FGF12: variants seen among roughly 807,000 people sequenced by gnomAD.
The protein encoded by FGF12 is fibroblast growth factor 12B.
FGF12 carries 14 observed loss-of-function variants against 23.6 expected under a neutral mutation model. The observed-to-expected ratio is 0.59, with a 90% confidence interval of 0.39 to 0.93. The LOEUF is 0.93. FGF12 is among the 40% of genes least tolerant of loss of function. The probability of loss-of-function intolerance (pLI) is 0.00; values close to 1 mark genes in which losing one functional copy is unlikely to be tolerated. For synonymous variants in FGF12, 62 were observed against 77.3 expected, an observed-to-expected ratio of 0.80 and a Z score of 1.04; for missense variants, 175 against 217.8, an observed-to-expected ratio of 0.80 and a Z score of 1.24.
At chr3:192,623,083 G>GT (rs1406928293) in intron 2 of FGF12, among the ~76,000 whole-genome samples, 1 of 152,140 alleles carries the variant, frequency 6.6e-6, no homozygotes, top group Non-Finnish European at 1.5e-5. Context: ...CATCAACCAT[G>GT]TAACAGCTAT....
At chr3:192,590,041 C>T (rs1018343338) in intron 2 of FGF12, among the ~76,000 whole-genome samples, 7 of 151,496 alleles carry the variant, frequency 4.6e-5, no homozygotes, top group African/African-American at 1.7e-4. Context: ...TTTTTAATTG[C>T]TCAAGGGCCA....
At chr3:192,709,569 C>T (rs918607833) in intron 2 of FGF12, among the ~76,000 whole-genome samples, 1 of 152,118 alleles carries the variant, frequency 6.6e-6, no homozygotes, top group South Asian at 2.1e-4. Context: ...CTTGACTTCA[C>T]CAGGATTGAG....
At chr3:192,472,750 G>A (rs1723209348) in intron 2 of FGF12, among the ~76,000 whole-genome samples, 1 of 152,118 alleles carries the variant, frequency 6.6e-6, no homozygotes, top group Non-Finnish European at 1.5e-5. Flanking sequence ...GGGCTCCTCA[G>A]CCCTGTCTCC....
intron 2 of FGF12, among the ~76,000 whole-genome samples, chr3:192,643,616 TC>T (rs1365054450): frequency 1.4e-4 from 21 of 152,228 alleles, no homozygotes; most frequent in Admixed American, 9.2e-4. Context: ...TCTGATCCTG[TC>T]CACTCTTCAA....
intron 2 of FGF12, among the ~76,000 whole-genome samples, chr3:192,504,075 A>G (rs1278577417): frequency 6.6e-6 from 1 of 152,058 alleles, no homozygotes; most frequent in African/African-American, 2.4e-5. Flanking sequence ...ATCCTAAGCG[A>G]ACTAACACAG....
chr3:192,714,588 G>A (rs1718802680), intron 2 of FGF12, among the ~76,000 whole-genome samples: 1 of 136,600 alleles, frequency 7.3e-6, no homozygotes, highest in African/African-American at 2.8e-5. Flanking sequence ...GCGCAATCTC[G>A]GCTCACTGCA....
chr3:192,726,669 T>A (rs1341096228), intron 2 of FGF12, among the ~76,000 whole-genome samples: 1 of 152,128 alleles, frequency 6.6e-6, no homozygotes, highest in Admixed American at 6.5e-5. Context: ...TAGACCCAAT[T>A]TCTCTGCTGA....
chr3:192,294,008 TGA>T (rs59696997), intron 4 of FGF12, among the ~76,000 whole-genome samples: 1,565 of 152,296 alleles, frequency 0.01, 27 homozygotes, highest in African/African-American at 0.036. Flanking sequence ...GGGAGATAAT[TGA>T]ATCATGGGGG....
At chr3:192,506,568 C>T (rs970072792) in intron 2 of FGF12, among the ~76,000 whole-genome samples, 2 of 152,100 alleles carry the variant, frequency 1.3e-5, no homozygotes, top group Non-Finnish European at 2.9e-5. Flanking sequence ...GATGGGGTTT[C>T]ACCACGTTGG....
intron 2 of FGF12, among the ~76,000 whole-genome samples, chr3:192,631,462 T>G (rs1715389881): frequency 6.6e-6 from 1 of 152,254 alleles, no homozygotes; most frequent in Non-Finnish European, 1.5e-5. Flanking sequence ...TTCACCACAT[T>G]GAGCCCTCAT....
At chr3:192,183,357 T>G (rs1716285010) in intron 4 of FGF12, among the ~76,000 whole-genome samples, 1 of 152,176 alleles carries the variant, frequency 6.6e-6, no homozygotes, top group African/African-American at 2.4e-5. Context: ...CCAGCCACGT[T>G]CATTTTAACA....
At chr3:192,672,882 T>TTCCAA (rs754453439) in intron 2 of FGF12, 1 of 150,808 alleles carries the variant, frequency 6.6e-6, no homozygotes, top group Non-Finnish European at 1.5e-5. Context: ...GAGCTCCTAC[T>TTCCAA]GTGTGCTACA....
intron 2 of FGF12, among the ~76,000 whole-genome samples, chr3:192,685,678 A>G (rs1025998173): frequency 6.6e-6 from 1 of 152,096 alleles, no homozygotes; most frequent in Non-Finnish European, 1.5e-5. Context: ...TTTCCCAGGA[A>G]AACCGGAAGG....
chr3:192,249,239 A>G (rs1711840660), intron 4 of FGF12, among the ~76,000 whole-genome samples: 1 of 152,232 alleles, frequency 6.6e-6, no homozygotes, highest in African/African-American at 2.4e-5. Context: ...GCTGAATAAT[A>G]AAACACTATT....
At chr3:192,467,179 T>C (rs1427779646) in intron 2 of FGF12, among the ~76,000 whole-genome samples, 1 of 152,202 alleles carries the variant, frequency 6.6e-6, no homozygotes, top group Non-Finnish European at 1.5e-5. Flanking sequence ...ATTCGAATCT[T>C]TTTCCTATCA....
At chr3:192,446,213 A>G (rs771366532) in intron 2 of FGF12, among the ~76,000 whole-genome samples, 8 of 152,246 alleles carry the variant, frequency 5.3e-5, no homozygotes, top group Non-Finnish European at 7.3e-5. Flanking sequence ...TTAAAAAGCT[A>G]TAGTTTTACC....
intron 2 of FGF12, among the ~76,000 whole-genome samples, chr3:192,478,987 C>T (rs770937036): frequency 3.3e-5 from 5 of 152,138 alleles, no homozygotes; most frequent in Non-Finnish European, 5.9e-5. Context: ...AATAAATCTC[C>T]GGTTGTACAT....
intron 2 of FGF12, among the ~76,000 whole-genome samples, chr3:192,365,097 A>G (rs1718914798): frequency 6.6e-6 from 1 of 152,156 alleles, no homozygotes; most frequent in African/African-American, 2.4e-5. Context: ...GTACTCCTCA[A>G]AATGGATTGT....
At chr3:192,657,101 TGAG>T (rs1326973271) in intron 2 of FGF12, among the ~76,000 whole-genome samples, 2 of 114,624 alleles carry the variant, frequency 1.7e-5, no homozygotes, top group African/African-American at 2.9e-5. Flanking sequence ...TCTGCTGAGT[TGAG>T]GTTTTTTTTT....
Sources: gnomAD v4.1 joint callset for allele counts (sites outside exome capture counted in the v4.1 genomes callset) on GRCh38, gnomAD v4.1.1 for gene constraint, MANE v1.5 for transcripts, NCBI Gene and HGNC (gene_info 2026-07-23, HGNC 2026-07-21) for gene names.